ZNF385C: variants seen among roughly 807,000 people sequenced by gnomAD.
The protein encoded by ZNF385C is zinc finger protein 385C.
Under a neutral mutation model 35.4 loss-of-function variants are expected in ZNF385C, and 28 were observed. The observed-to-expected ratio is 0.79, with a 90% CI of 0.59 to 1.08. ZNF385C has a LOEUF of 1.08. Among genes scored for constraint, ZNF385C ranks in the 50% least tolerant of loss-of-function variants. The probability of loss-of-function intolerance (pLI) is 0.00; values close to 1 mark genes in which losing one functional copy is unlikely to be tolerated. For missense variants in ZNF385C, 605 were observed against 595.6 expected (o/e 1.02, Z -0.16); for synonymous variants, 248 against 248.2 (o/e 1.00, Z 0.01).
chr17:42,043,404 AC>A, intron 2 of ZNF385C: 1 of 1,231,378 alleles, frequency 8.1e-7, no homozygotes, highest in Non-Finnish European at 1.0e-6. Context: ...GGAACCCCCA[AC>A]CCCCACCTGA....
Position 42,031,799 on chromosome 17 carries a change from G to A in ZNF385C, c.511-15C>T, listed in dbSNP as rs918990037. The A allele has an allele frequency of 7.7e-6, 12 of 1,549,604 alleles. No homozygotes were observed. The highest frequency in any genetic ancestry group is 9.6e-6 in the Non-Finnish European group (11 of 1,146,530). ...TCGGCCTGGTTCTGGGGAGGGGAGG[G>A]CAAGAGGTCACCATTCACTGGCTGA... On this transcript the variant is annotated splice_polypyrimidine_tract_variant and intron_variant, in intron 4 of 8. Transcript: ENST00000692273.
At chr17:42,046,560 A>C (rs985684299) in intron 2 of ZNF385C, among the ~76,000 whole-genome samples, 1 of 152,142 alleles carries the variant, frequency 6.6e-6, no homozygotes, top group Non-Finnish European at 1.5e-5. Flanking sequence ...TGATCATGCC[A>C]CTGCACTCCA....
intron 2 of ZNF385C, chr17:42,041,141 C>T (rs1482621264): frequency 7.3e-6 from 9 of 1,232,214 alleles, no homozygotes; most frequent in Non-Finnish European, 9.1e-6. Context: ...TATGGGGATG[C>T]CTTCAGGCGC....
intron 1 of ZNF385C, among the ~76,000 whole-genome samples, chr17:42,063,397 G>T (rs1019654617): frequency 2.0e-5 from 3 of 152,058 alleles, no homozygotes; most frequent in African/African-American, 7.2e-5. Context: ...GCATGGTGGC[G>T]CATGCCTGTA....
At chr17:42,040,662 C>G (rs2052996548) in intron 2 of ZNF385C, 4 of 1,232,288 alleles carry the variant, frequency 3.2e-6, no homozygotes, top group Non-Finnish European at 4.0e-6. Context: ...CTACAGGCAG[C>G]AGGGAGGCCC....
intron 2 of ZNF385C, chr17:42,039,552 T>C (rs1224591739): frequency 3.3e-6 from 2 of 598,998 alleles, no homozygotes; most frequent in Admixed American, 4.7e-5. Context: ...TGGGGGGGGT[T>C]GGTGGGAAGC....
intron 1 of ZNF385C, among the ~76,000 whole-genome samples, chr17:42,077,316 A>G (rs1278604497): frequency 1.3e-5 from 2 of 152,174 alleles, no homozygotes; most frequent in African/African-American, 4.8e-5. Context: ...TCATGCCTGC[A>G]AAGTACCCCA....
In ZNF385C at chr17:42,026,956, G is replaced by A. The variant is rs782003117; in HGVS notation, c.1453C>T (p.Arg485Cys). 6.0e-5 allele frequency: 97 copies of A among 1,611,470 alleles called. No homozygotes were observed. The highest frequency in any genetic ancestry group is 9.9e-5 in the South Asian group (9 of 90,870). The change falls in exon 9 of 9, where the codon CGC (arginine) becomes TGC (cysteine). Residue 485 changes from arginine (R) to cysteine (C), a missense_variant. Coordinates refer to ENST00000692273, the MANE Select transcript of ZNF385C (RefSeq NM_001392013.1). ...PAPILGPALF[R>C]TPAGAVRPAT... ...GGGCGGACAGCTCCTGCTGGGGTGC[G>A]AAACAGAGCTGGGCCCAGGATGGGA... is the stretch of plus-strand genomic sequence containing the variant.
At chr17:42,043,238 C>T (rs112045612) in intron 2 of ZNF385C, 112 of 1,232,216 alleles carry the variant, frequency 9.1e-5, no homozygotes, top group African/African-American at 4.2e-4. Flanking sequence ...TGGCGGCACT[C>T]GAGGCAGAAC....
chr17:42,084,411 A>G (rs1245952742), intron 1 of ZNF385C, among the ~76,000 whole-genome samples: 1 of 152,110 alleles, frequency 6.6e-6, no homozygotes, highest in Non-Finnish European at 1.5e-5. Context: ...AGTGTTTTAA[A>G]CATTTTTACA....
At chr17:42,066,534 A>G (rs1310518543) in intron 1 of ZNF385C, among the ~76,000 whole-genome samples, 3 of 152,174 alleles carry the variant, frequency 2.0e-5, no homozygotes, top group African/African-American at 7.2e-5. Flanking sequence ...TAGCTGTGCC[A>G]TAGTGTGGGT....
rs567003112 is a variant in ZNF385C at position 42,035,317 on chromosome 17, C to A, written c.400-982G>T. ...TGATCACCTTGGCATCTCTTGGTGC[C>A]CCTTAGGTCATTATTTTTGTTTTTT... On this transcript the variant is annotated intron_variant, in intron 3 of 8. Coordinates refer to ENST00000692273, the MANE Select transcript of ZNF385C (RefSeq NM_001392013.1). 5.9e-5 allele frequency among the ~76,000 whole-genome samples: 9 copies of A among 151,596 alleles called. 1 individual carries two copies. The South Asian group carries it at 1.7e-3, about 28-fold the overall frequency.
In ZNF385C at chr17:42,027,714, C is replaced by T. The variant is rs1249334976; in HGVS notation, c.1179G>A (p.Arg393=). The T allele has an allele frequency of 2.5e-6, 4 of 1,612,552 alleles. No individual in the cohort carries two copies. Among genetic ancestry groups the T allele is most frequent in the Non-Finnish European group, 2.5e-6 (3 of 1,179,536 alleles). Residue 393 remains arginine, a synonymous_variant, in exon 8 of 9, where the codon AGG becomes AGA. Coordinates refer to ENST00000692273, the MANE Select transcript of ZNF385C (RefSeq NM_001392013.1). ...ETQLKQHMSS[R]RHKDRLAGKT... is the part of the protein sequence containing the mutation. Reference sequence around the variant, plus strand: ...TCCCGGCCAGGCGGTCTTTGTGCCTCCTGCTGCTCATGTGCTAATGGACAG... The same window carrying T: ...TCCCGGCCAGGCGGTCTTTGTGCCTTCTGCTGCTCATGTGCTAATGGACAG...
rs1555654271 is a variant in ZNF385C, at chr17:42,027,031, G to A, written c.1378C>T (p.Pro460Ser). The A allele has an allele frequency of 3.7e-6, 6 of 1,608,114 alleles. No individual in the cohort carries two copies. The highest frequency in any genetic ancestry group is 1.1e-5 in the South Asian group (1 of 90,156). ...AATAICALPG[P>S]LALRPAPTAA... The stretch of plus-strand genomic sequence containing the variant: ...GTAGGGGCAGGGCGGAGGGCCAGGG[G>A]CCCTGGCAGAGCACAGATGGCAGTG... Residue 460 changes from proline (P) to serine (S), a missense_variant, in exon 9 of 9, where the codon CCC (proline) becomes TCC (serine). Coordinates refer to ENST00000692273, the MANE Select transcript of ZNF385C (RefSeq NM_001392013.1).
chr17:42,083,354 C>T (rs1249324834), intron 1 of ZNF385C, among the ~76,000 whole-genome samples: 1 of 151,770 alleles, frequency 6.6e-6, no homozygotes, highest in Non-Finnish European at 1.5e-5. Flanking sequence ...AGGCACCCGC[C>T]AACACGCCCC....
intron 2 of ZNF385C, among the ~76,000 whole-genome samples, chr17:42,046,843 A>G (rs1299482017): frequency 6.6e-6 from 1 of 151,902 alleles, no homozygotes; most frequent in Non-Finnish European, 1.5e-5. Flanking sequence ...GAGACTGTCA[A>G]TTAGATGATA....
chr17:42,052,632 G>A (rs1403053288), intron 2 of ZNF385C, among the ~76,000 whole-genome samples: 1 of 152,160 alleles, frequency 6.6e-6, no homozygotes, highest in East Asian at 1.9e-4. Context: ...TATACCCAGA[G>A]AGACAGATGC....
chr17:42,079,203 AATATATATATATATAC>A (rs1168903397), intron 1 of ZNF385C, among the ~76,000 whole-genome samples: 5 of 113,822 alleles, frequency 4.4e-5, no homozygotes, highest in East Asian at 2.2e-4. Context: ...AAAAAAAAAA[AATATATATATATATAC>A]ATATATATAT....
At chr17:42,035,060 A>G (rs2052818570) in intron 3 of ZNF385C, among the ~76,000 whole-genome samples, 1 of 123,518 alleles carries the variant, frequency 8.1e-6, no homozygotes, top group Non-Finnish European at 1.6e-5. Context: ...CAGAGGTTGC[A>G]GTGAGCTGAG....
Sources: gnomAD v4.1 joint callset for allele counts (sites outside exome capture counted in the v4.1 genomes callset) on GRCh38, gnomAD v4.1.1 for gene constraint, MANE v1.5 for transcripts, NCBI Gene and HGNC (gene_info 2026-07-23, HGNC 2026-07-21) for gene names.